Variants in CCNB3 observed in about 807,000 individuals in gnomAD.
CCNB3 encodes G2/mitotic-specific cyclin-B3.
In CCNB3, 12 loss-of-function variants were observed where a neutral mutation model predicts 68.0. The observed-to-expected ratio is 0.18, with a 90% confidence interval of 0.11 to 0.29. CCNB3 has a LOEUF of 0.29. Ranked by LOEUF, CCNB3 falls within the 10% of genes least tolerant of loss-of-function variation. The probability of loss-of-function intolerance (pLI) is 1.00; values close to 1 mark genes in which losing one functional copy is unlikely to be tolerated. For synonymous variants in CCNB3, 354 were observed against 388.9 expected, an observed-to-expected ratio of 0.91 and a Z score of 1.06; for missense variants, 904 against 993.1, an observed-to-expected ratio of 0.91 and a Z score of 1.21.
At chrX:50,226,495 TAAA>T (rs1312296862) in intron 1 of CCNB3, among the ~76,000 whole-genome samples, 1 of 70,710 alleles carries the variant, frequency 1.4e-5, no homozygotes, top group African/African-American at 5.7e-5. Context: ...ATAGAATATA[TAAA>T]AATATATATA....
chrX:50,314,441 G>C (rs782041156), intron 8 of CCNB3, among the ~76,000 whole-genome samples: 2 of 111,794 alleles, frequency 1.8e-5, no homozygotes, highest in South Asian at 3.8e-4. Flanking sequence ...GGAGAGCCCA[G>C]AGTAGTACAT....
chrX:50,226,934 GTA>G (rs1236084025), intron 1 of CCNB3, among the ~76,000 whole-genome samples: 6 of 47,335 alleles, frequency 1.3e-4, no homozygotes, highest in South Asian at 1.8e-3. Context: ...AATATATATA[GTA>G]TATATATAGA....
At chrX:50,218,139 ATTG>A (rs1202923199) in intron 1 of CCNB3, among the ~76,000 whole-genome samples, 1 of 111,807 alleles carries the variant, frequency 8.9e-6, no homozygotes, top group Non-Finnish European at 1.9e-5. Flanking sequence ...AAAATAATCT[ATTG>A]TTGTTTTAAT....
At chrX:50,225,877 C>A (rs1483943292) in intron 1 of CCNB3, among the ~76,000 whole-genome samples, 1 of 103,938 alleles carries the variant, frequency 9.6e-6, no homozygotes, top group African/African-American at 3.5e-5. Flanking sequence ...AATTTGGATT[C>A]ATGAAACTGG....
chrX:50,228,227 AATAC>A (rs1284461855), intron 1 of CCNB3, among the ~76,000 whole-genome samples: 2 of 87,224 alleles, frequency 2.3e-5, no homozygotes, highest in African/African-American at 4.6e-5. Context: ...AATACATATA[AATAC>A]ATACATAGAA....
chrX:50,346,961 A>C (rs1277088658), intron 10 of CCNB3, among the ~76,000 whole-genome samples, 154 bp downstream of exon 10: 1 of 111,526 alleles, frequency 9.0e-6, no homozygotes, highest in Non-Finnish European at 1.9e-5. Flanking sequence ...AAAGCTTGGC[A>C]ATCTTTATGA....
chrX:50,225,149 C>A (rs1251903088), intron 1 of CCNB3, among the ~76,000 whole-genome samples: 1 of 110,857 alleles, frequency 9.0e-6, no homozygotes, highest in African/African-American at 3.3e-5. Context: ...GGAGAAGAAT[C>A]CTCCTTTAAA....
chrX:50,221,773 A>G (rs1399056845), intron 1 of CCNB3, among the ~76,000 whole-genome samples: 1 of 111,535 alleles, frequency 9.0e-6, no homozygotes, highest in African/African-American at 3.3e-5. Flanking sequence ...AGTTCTGTAG[A>G]TGTCTATTAG....
At chrX:50,228,028 A>G (rs1472016511) in intron 1 of CCNB3, among the ~76,000 whole-genome samples, 2 of 88,050 alleles carry the variant, frequency 2.3e-5, no homozygotes, top group African/African-American at 8.6e-5. Flanking sequence ...TAGAGAGAAT[A>G]TATATAGAGA....
At chrX:50,299,452 T>A (rs1936571385) in intron 5 of CCNB3, among the ~76,000 whole-genome samples, 1 of 111,683 alleles carries the variant, frequency 9.0e-6, no homozygotes, top group Admixed American at 9.5e-5. Context: ...TTTGAGTGAG[T>A]TTCTTAATCC....
At position 50,351,082 on chromosome X, in the gene CCNB3, A is replaced by G. The variant is rs782731693; in HGVS notation, c.3961-159A>G. 3.6e-5 allele frequency among the ~76,000 whole-genome samples: 4 copies of G among 112,162 alleles called. No individual in the cohort carries two copies. The East Asian group carries it at 1.1e-3, about 32-fold the overall frequency. On this transcript the variant is annotated intron_variant, in intron 11 of 12. Transcript: ENST00000376042. ...AATCTATTCTTCTATATAGCATAGTATAATTATTGATCAGCGTCCAGATGG... is the reference window on the plus strand; with the variant it reads ...AATCTATTCTTCTATATAGCATAGTGTAATTATTGATCAGCGTCCAGATGG...
At chrX:50,299,490 C>G (rs1429994899) in intron 5 of CCNB3, among the ~76,000 whole-genome samples, 2 of 111,739 alleles carry the variant, frequency 1.8e-5, no homozygotes, top group Non-Finnish European at 3.8e-5. Flanking sequence ...GCACTGTGGT[C>G]TGAGAGACAG....
At chrX:50,226,206 A>ATATATTTATATATATAGAATATG (rs1935771432) in intron 1 of CCNB3, among the ~76,000 whole-genome samples, 2 of 66,881 alleles carry the variant, frequency 3.0e-5, no homozygotes, top group Non-Finnish European at 4.8e-5. Context: ...TATAGAATAT[A>ATATATTTATATATATAGAATATG]TATATTTATA....
Position 50,310,677 on chromosome X carries a change from G to C in CCNB3, c.2508G>C (p.Glu836Asp). Residue 836 changes from glutamate (E) to aspartate (D), a missense_variant, in exon 6 of 13, where the codon GAG becomes GAC. By Grantham distance (45) the Glu-to-Asp change is conservative (BLOSUM62 2). Around this residue, in one of 2 missense-constraint regions of CCNB3, gnomAD observed 619 missense variants for 609.8 expected, o/e 1.02. Transcript: ENST00000376042. ...HFKEPLALQE[E>D]PSTEKEAVLK... The stretch of plus-strand genomic sequence containing the variant: ...AGGAACCTTTGGCCTTGCAGGAGGA[G>C]CCCAGCACTGAGAAGGAGGCTGTCC... The C allele has an allele frequency of 1.7e-6, 2 of 1,211,117 alleles. No individual in the cohort carries two copies. The highest frequency in any genetic ancestry group is 3.5e-5 in the South Asian group (2 of 56,779).
At chrX:50,223,757 G>A (rs1031450887) in intron 1 of CCNB3, among the ~76,000 whole-genome samples, 3,922 of 112,258 alleles carry the variant, frequency 0.035, 76 homozygotes, top group Middle Eastern at 0.093. Flanking sequence ...GGACCCATTT[G>A]AGGAGGCAGT....
chrX:50,226,024 A>ATT (rs1935753508), intron 1 of CCNB3, among the ~76,000 whole-genome samples: 19 of 92,331 alleles, frequency 2.1e-4, no homozygotes, highest in African/African-American at 7.0e-4. Context: ...ATATACAAAA[A>ATT]TATATATATA....
In CCNB3 at chrX:50,312,640, G is replaced by A. The variant is rs947667539; in HGVS notation, c.3423+8G>A. 9 of 1,119,753 alleles carry A rather than the reference G, an allele frequency of 8.0e-6. No homozygotes were observed. The highest frequency in any genetic ancestry group is 9.7e-6 in the Non-Finnish European group (8 of 820,730). The allele number at this position is 1,119,753 out of a possible 1,213,427, so 92.3% of individuals were successfully genotyped here. A position where few individuals can be genotyped will look rare whatever the true frequency, so the allele number is the denominator to read the frequency against. On this transcript the variant is annotated splice_region_variant and intron_variant, in intron 7 of 12. Transcript: ENST00000376042. ...TACATGAAAGAGAGAGAGGTATTTA[G>A]GTTGCTTGGGTTGGGCAATGATTTC... is the stretch of plus-strand genomic sequence containing the variant.
At chrX:50,205,094 T>C (rs1365216703) in intron 1 of CCNB3, 144 bp downstream of exon 1, 3 of 111,889 alleles carry the variant, frequency 2.7e-5, no homozygotes, top group Non-Finnish European at 5.6e-5. Context: ...TTAGTTTATT[T>C]CCTCCCTGTC....
At position 50,311,579 on chromosome X, in the gene CCNB3, T is replaced by G. The variant is rs782594992; in HGVS notation, c.3327+83T>G. The stretch of plus-strand genomic sequence containing the variant: ...GGCTGCTAGCAAAGTTGTTTTTTTT[T>G]TTTTGTTTTTGTTTTTTGTTGTTGT... On this transcript the variant is annotated intron_variant, in intron 6 of 12. Coordinates refer to ENST00000376042, the MANE Select transcript of CCNB3 (RefSeq NM_033031.3). The G allele has an allele frequency of 2.2e-4, 161 of 726,313 alleles. No individual in the cohort carries two copies. In the African/African-American group the frequency reaches 3.4e-3, roughly 15 times the overall value. The allele number at this position is 726,313 out of a possible 1,213,427, so 59.9% of individuals were successfully genotyped here. A position where few individuals can be genotyped will look rare whatever the true frequency, so the allele number is the denominator to read the frequency against.
Sources: allele counts gnomAD v4.1 joint callset (sites outside exome capture counted in the v4.1 genomes callset), GRCh38; gene constraint gnomAD v4.1.1; regional missense constraint gnomAD v4.1.1; transcripts MANE v1.5; gene names NCBI Gene and HGNC (gene_info 2026-07-23, HGNC 2026-07-21).